The following GRIA4 variants were observed in gnomAD, a reference collection of about 807,000 sequenced individuals.
GRIA4 encodes glutamate receptor 4.
Under a neutral mutation model 104.0 loss-of-function variants are expected in GRIA4, and 34 were observed. That is an observed-to-expected ratio of 0.33 (90% CI 0.25 to 0.44). The LOEUF is 0.44. Ranked by LOEUF, GRIA4 falls within the 20% of genes least tolerant of loss-of-function variation. The pLI is 1.00. For missense variants in GRIA4, 750 were observed against 1,096.5 expected, an observed-to-expected ratio of 0.68 and a Z score of 4.46; for synonymous variants, 386 against 381.9, an observed-to-expected ratio of 1.01 and a Z score of -0.13.
rs547564845 is a variant in GRIA4 at position 105,885,953 on chromosome 11, A to G, written c.673-1566A>G. Reference sequence around the variant, plus strand: ...TGGCAGTGAATTTCCCAGGATTGTTAAAGGGCAATCAGCCCTCATAGTCAG... The same window carrying G: ...TGGCAGTGAATTTCCCAGGATTGTTGAAGGGCAATCAGCCCTCATAGTCAG... On this transcript the variant is annotated intron_variant, in intron 5 of 16. Coordinates refer to ENST00000282499, the MANE Select transcript of GRIA4 (RefSeq NM_000829.4). 2.6e-5 allele frequency among the ~76,000 whole-genome samples: 4 copies of G among 152,368 alleles called. No homozygotes were observed. In the East Asian group the frequency reaches 7.7e-4, roughly 29 times the overall value.
At chr11:105,674,317 G>A (rs2135447171) in intron 3 of GRIA4, among the ~76,000 whole-genome samples, 1 of 151,920 alleles carries the variant, frequency 6.6e-6, no homozygotes, top group South Asian at 2.1e-4. Context: ...TTGCTAAGTT[G>A]ATGATTTGTG....
chr11:105,834,712 C>CTTT lies in GRIA4; in HGVS notation c.488-27296_488-27294dup, dbSNP rs5794429. On this transcript the variant is annotated intron_variant, in intron 4 of 16. Coordinates refer to ENST00000282499, the MANE Select transcript of GRIA4 (RefSeq NM_000829.4). The stretch of plus-strand genomic sequence containing the variant: ...GTATTACTGTCCTGCTACAAAAAGA[C>CTTT]TTTTTTTTTTTTTTTTTTGCTACCA... Among the ~76,000 whole-genome samples the CTTT allele has an allele frequency of 4.6e-3, 610 of 131,604 alleles. 16 individuals are homozygous for CTTT. Among genetic ancestry groups the CTTT allele is most frequent in the South Asian group, 0.02 (82 of 4,040 alleles). The allele number at this position is 131,604 out of a possible 152,430, so 86.3% of individuals were successfully genotyped here.
chr11:105,613,631 A>T (rs1260669508), intron 3 of GRIA4: 1 of 152,180 alleles, frequency 6.6e-6, no homozygotes, highest in South Asian at 2.1e-4. Flanking sequence ...CTGTTTCATC[A>T]ACTTAAATTA....
chr11:105,727,832 AT>A, intron 3 of GRIA4, among the ~76,000 whole-genome samples: 1 of 152,314 alleles, frequency 6.6e-6, no homozygotes, highest in South Asian at 2.1e-4. Flanking sequence ...ATGCTGAGGG[AT>A]TTTGTCACCA....
intron 14 of GRIA4, among the ~76,000 whole-genome samples, chr11:105,967,932 C>T (rs373169657): frequency 9.9e-5 from 15 of 152,268 alleles, no homozygotes; most frequent in African/African-American, 3.6e-4. Context: ...TGTAAACTTA[C>T]CTTACCCCTC....
At chr11:105,760,786 A>G (rs139595547) in intron 4 of GRIA4, among the ~76,000 whole-genome samples, 104 of 152,044 alleles carry the variant, frequency 6.8e-4, no homozygotes, top group Non-Finnish European at 1.3e-3. Flanking sequence ...CATTGTTGTG[A>G]AGTACTCAAT....
chr11:105,643,698 ATT>A (rs1423020229), intron 3 of GRIA4, among the ~76,000 whole-genome samples: 1 of 151,650 alleles, frequency 6.6e-6, no homozygotes, highest in Non-Finnish European at 1.5e-5. Flanking sequence ...AGGTTTTTAA[ATT>A]TTTTTTGGTG....
intron 6 of GRIA4, among the ~76,000 whole-genome samples, chr11:105,892,833 A>G (rs1004007104): frequency 1.3e-5 from 2 of 152,178 alleles, no homozygotes; most frequent in South Asian, 4.1e-4. Context: ...TCTATTTGAC[A>G]TTCCTTCCAT....
In GRIA4 at chr11:105,975,802, A is replaced by G. The variant is rs758815455; in HGVS notation, c.2544+1358A>G. Among the ~76,000 whole-genome samples, 4 of 152,130 alleles carry G rather than the reference A, an allele frequency of 2.6e-5. No homozygotes were observed. The South Asian group carries it at 8.3e-4, about 31-fold the overall frequency. ...ATATGAAAGCTTTTGAAATACTTGT[A>G]TCTTAAAGCAAAGAGCCAATGCCAT... On this transcript the variant is annotated intron_variant, in intron 16 of 16. Coordinates refer to ENST00000282499, the MANE Select transcript of GRIA4 (RefSeq NM_000829.4).
At chr11:105,782,861 T>A (rs1941789227) in intron 4 of GRIA4, among the ~76,000 whole-genome samples, 1 of 152,190 alleles carries the variant, frequency 6.6e-6, no homozygotes, top group Non-Finnish European at 1.5e-5. Context: ...GTTTGAGGTC[T>A]CGCTTCAGCA....
chr11:105,822,807 A>G (rs1002975182), intron 4 of GRIA4, among the ~76,000 whole-genome samples: 1 of 152,166 alleles, frequency 6.6e-6, no homozygotes, highest in African/African-American at 2.4e-5. Context: ...AGTATATAAT[A>G]AAAATTGATT....
At chr11:105,670,288 T>C (rs943045469) in intron 3 of GRIA4, among the ~76,000 whole-genome samples, 3 of 152,148 alleles carry the variant, frequency 2.0e-5, no homozygotes, top group African/African-American at 7.2e-5. Flanking sequence ...TTAATTTCCA[T>C]GGATACTTTA....
At chr11:105,682,478 T>C (rs992438749) in intron 3 of GRIA4, among the ~76,000 whole-genome samples, 1 of 152,196 alleles carries the variant, frequency 6.6e-6, no homozygotes, top group Non-Finnish European at 1.5e-5. Flanking sequence ...TTTTCAAAAG[T>C]GTGATCAAGT....
chr11:105,717,663 T>G (rs1259361472), intron 3 of GRIA4, among the ~76,000 whole-genome samples: 1 of 152,062 alleles, frequency 6.6e-6, no homozygotes, highest in Non-Finnish European at 1.5e-5. Flanking sequence ...AACATAGAGT[T>G]AAACGAAGAT....
At position 105,974,026 on chromosome 11, in the gene GRIA4, C is replaced by T. The variant is rs555121115; in HGVS notation, c.2410-284C>T. Among the ~76,000 whole-genome samples the T allele has an allele frequency of 1.2e-3, 184 of 151,970 alleles. 1 individual carries two copies. Among genetic ancestry groups the T allele is most frequent in the Non-Finnish European group, 2.3e-3 (157 of 68,018 alleles). On this transcript the variant is annotated intron_variant, in intron 15 of 16. Transcript: ENST00000282499. Reference sequence around the variant, plus strand: ...TAAATATATAAATGCTTATATAAGGCTAAGTATAATGGTTTTCATTGCATA... The same window carrying T: ...TAAATATATAAATGCTTATATAAGGTTAAGTATAATGGTTTTCATTGCATA...
At chr11:105,626,372 A>T (rs1011175466) in intron 3 of GRIA4, among the ~76,000 whole-genome samples, 2 of 152,166 alleles carry the variant, frequency 1.3e-5, no homozygotes, top group Non-Finnish European at 2.9e-5. Context: ...CAGTAAACAA[A>T]CTATAAAGTA....
At chr11:105,871,663 C>A (rs1945620792) in intron 5 of GRIA4, among the ~76,000 whole-genome samples, 2 of 150,934 alleles carry the variant, frequency 1.3e-5, no homozygotes. Flanking sequence ...CATAACAAAG[C>A]CCAAATAAAC....
intron 3 of GRIA4, among the ~76,000 whole-genome samples, chr11:105,622,378 T>C (rs2135276608): frequency 1.3e-5 from 2 of 152,046 alleles, no homozygotes; most frequent in African/African-American, 4.8e-5. Context: ...TTTATTTGCA[T>C]AAGCTGCTCT....
chr11:105,728,491 G>A (rs897926686), intron 3 of GRIA4, among the ~76,000 whole-genome samples: 1 of 152,102 alleles, frequency 6.6e-6, no homozygotes, highest in African/African-American at 2.4e-5. Context: ...ACTCAGCTCT[G>A]GACCAAGCAG....
Sources: gnomAD v4.1 joint callset for allele counts (sites outside exome capture counted in the v4.1 genomes callset) on GRCh38, gnomAD v4.1.1 for gene constraint, MANE v1.5 for transcripts, NCBI Gene and HGNC (gene_info 2026-07-23, HGNC 2026-07-21) for gene names.